FNBP4: variants seen among roughly 807,000 people sequenced by gnomAD.
FNBP4 encodes formin binding protein 4.
FNBP4 carries 34 observed loss-of-function variants against 119.3 expected under a neutral mutation model. That is an observed-to-expected ratio of 0.28 (90% confidence interval 0.22 to 0.38). The LOEUF (loss-of-function observed/expected upper bound fraction) is 0.38, where lower values mean the gene tolerates loss of function less well. FNBP4 is among the 10% of genes least tolerant of loss of function. The pLI is 1.00. For synonymous variants in FNBP4, 462 were observed against 430.6 expected, an observed-to-expected ratio of 1.07 and a Z score of -0.90; for missense variants, 1,112 against 1,228.9, an observed-to-expected ratio of 0.90 and a Z score of 1.42.
intron 2 of FNBP4, among the ~76,000 whole-genome samples, chr11:47,756,074 A>G (rs2135254603): frequency 6.6e-6 from 1 of 152,306 alleles, no homozygotes; most frequent in East Asian, 1.9e-4. Context: ...CAGAAATTAA[A>G]AACATGAAGT....
At chr11:47,734,883 G>A (rs1272239847) in intron 9 of FNBP4, among the ~76,000 whole-genome samples, 1 of 151,544 alleles carries the variant, frequency 6.6e-6, no homozygotes, top group Admixed American at 6.6e-5. Flanking sequence ...TGAGGCAGAA[G>A]AATTGCTTGA....
At chr11:47,717,929 TTTTTA>T (rs1256317565) in intron 16 of FNBP4, among the ~76,000 whole-genome samples, 1 of 147,006 alleles carries the variant, frequency 6.8e-6, no homozygotes, top group Non-Finnish European at 1.5e-5. Flanking sequence ...ATTTTTTTTT[TTTTTA>T]AGTAGCGACA....
At chr11:47,742,361 C>G (rs887348993) in intron 8 of FNBP4, among the ~76,000 whole-genome samples, 3 of 150,146 alleles carry the variant, frequency 2.0e-5, no homozygotes, top group Non-Finnish European at 3.0e-5. Flanking sequence ...CGCCTGTAAT[C>G]CCAGCTACTC....
At chr11:47,730,642 T>G (rs2097566316) in intron 12 of FNBP4, among the ~76,000 whole-genome samples, 1 of 152,250 alleles carries the variant, frequency 6.6e-6, no homozygotes, top group African/African-American at 2.4e-5. Flanking sequence ...TGCCTTCATA[T>G]GCCATCAGTT....
chr11:47,721,315 G>A (rs529269468), intron 15 of FNBP4, among the ~76,000 whole-genome samples: 1 of 151,924 alleles, frequency 6.6e-6, no homozygotes, highest in East Asian at 1.9e-4. Context: ...AATGGGGCGA[G>A]GCATGGTGGG....
At chr11:47,766,283 C>G (rs898828010) in intron 1 of FNBP4, among the ~76,000 whole-genome samples, 2 of 152,020 alleles carry the variant, frequency 1.3e-5, no homozygotes, top group African/African-American at 4.8e-5. Context: ...CCACTGCACT[C>G]CAGCCTGGGC....
intron 12 of FNBP4, chr11:47,729,304 C>A: frequency 2.0e-6 from 2 of 985,338 alleles, no homozygotes; most frequent in Non-Finnish European, 2.4e-6. Context: ...GAAAAAGGAG[C>A]TCAACTTCAC....
Position 47,732,812 on chromosome 11 carries a change from C to T in FNBP4, c.1687-142G>A, listed in dbSNP as rs568548675. 12 of 762,760 alleles carry T rather than the reference C, an allele frequency of 1.6e-5. No individual in the cohort carries two copies. The South Asian group carries it at 2.2e-4, about 14-fold the overall frequency. 47.2% of individuals were successfully genotyped at this position (762,760 alleles called of 1,614,324 possible). A position where few individuals can be genotyped will look rare whatever the true frequency, so the allele number is the denominator to read the frequency against. On this transcript the variant is annotated intron_variant, in intron 10 of 16. Transcript: ENST00000263773. This position sits in a 1 kb window ranked among gnomAD's most constrained non-coding sequence, Gnocchi z 4.2. ...GACCAGAGAGGAAAATAAACCCCAT[C>T]TTCATCTCATAAAATAATCTTAAGG...
intron 16 of FNBP4, among the ~76,000 whole-genome samples, chr11:47,718,743 C>A (rs1202053665): frequency 1.3e-5 from 2 of 152,130 alleles, no homozygotes; most frequent in Non-Finnish European, 2.9e-5. Context: ...CTGCCCATTT[C>A]AGAATGTATA....
chr11:47,723,141 T>C lies in FNBP4; in HGVS notation c.2640A>G (p.Pro880=). The stretch of plus-strand genomic sequence containing the variant: ...GCAATGAGGGAGCAGTCACTCCAAT[T>C]GGGACAGAACATTCTGCATAACTCA... ...AIMSYAECSV[P]IGVTAPSLQP... Residue 880 remains proline, a synonymous_variant, in exon 15 of 17, where the codon CCA becomes CCG. Transcript: ENST00000263773. The C allele has an allele frequency of 6.2e-7, 1 of 1,614,058 alleles. No homozygotes were observed.
At chr11:47,759,666 A>G in intron 2 of FNBP4, among the ~76,000 whole-genome samples, 1 of 152,036 alleles carries the variant, frequency 6.6e-6, no homozygotes, top group East Asian at 1.9e-4. Flanking sequence ...TTAAATAAAA[A>G]TACTGGCCGG....
chr11:47,750,721 A>G (rs1165407815), intron 6 of FNBP4, among the ~76,000 whole-genome samples, 195 bp downstream of exon 6: 2 of 148,986 alleles, frequency 1.3e-5, no homozygotes, highest in South Asian at 2.1e-4. Flanking sequence ...AAAAAAAGAA[A>G]AAAGAAAAAA....
intron 2 of FNBP4, among the ~76,000 whole-genome samples, chr11:47,763,096 T>G (rs907189619): frequency 6.6e-6 from 1 of 151,900 alleles, no homozygotes; most frequent in Non-Finnish European, 1.5e-5. Flanking sequence ...TCCCAGCACT[T>G]TGGGAGGCCA....
At chr11:47,725,663 A>G (rs1297415777) in intron 12 of FNBP4, 8 of 519,220 alleles carry the variant, frequency 1.5e-5, no homozygotes, top group Non-Finnish European at 2.0e-5. Context: ...AAACTTTGTA[A>G]AAGCCATCAT....
intron 7 of FNBP4, among the ~76,000 whole-genome samples, chr11:47,745,682 A>C (rs2097588918): frequency 6.6e-6 from 1 of 152,130 alleles, no homozygotes; most frequent in Non-Finnish European, 1.5e-5. Flanking sequence ...ACCCTTAATA[A>C]AAAACTTGCT....
At chr11:47,749,352 C>G (rs1288570651) in intron 6 of FNBP4, among the ~76,000 whole-genome samples, 1 of 151,622 alleles carries the variant, frequency 6.6e-6, no homozygotes, top group Non-Finnish European at 1.5e-5. Flanking sequence ...CACTTGAGGT[C>G]AGGAGTTCAA....
intron 3 of FNBP4, 48 bp from the exon 4 acceptor site, chr11:47,753,150 G>A: frequency 6.9e-7 from 1 of 1,459,310 alleles, no homozygotes; most frequent in Non-Finnish European, 9.2e-7. Flanking sequence ...TCAAAAACAA[G>A]AAACTTAAGG....
At chr11:47,733,407 C>T (rs1260942354) in intron 10 of FNBP4, among the ~76,000 whole-genome samples, 1 of 151,958 alleles carries the variant, frequency 6.6e-6, no homozygotes, top group Non-Finnish European at 1.5e-5. Flanking sequence ...GGAGCAATCT[C>T]TGCTCGCAAC....
intron 7 of FNBP4, 30 bp from the exon 8 acceptor site, chr11:47,744,193 T>A: frequency 2.7e-6 from 4 of 1,496,082 alleles, no homozygotes; most frequent in Non-Finnish European, 3.7e-6. Flanking sequence ...TAAGTTAGTG[T>A]CATTAACTGC....
Sources: gnomAD v4.1 joint callset for allele counts (sites outside exome capture counted in the v4.1 genomes callset) on GRCh38, gnomAD v4.1.1 for gene constraint, Gnocchi (gnomAD v3.1) non-coding constraint, MANE v1.5 for transcripts, NCBI Gene and HGNC (gene_info 2026-07-23, HGNC 2026-07-21) for gene names.